Variants in NXPH1 observed in about 807,000 individuals in gnomAD.
NXPH1 encodes the protein neurexophilin 1.
In NXPH1, 5 loss-of-function variants were observed where a neutral mutation model predicts 23.7. The observed-to-expected ratio is 0.21, with a 90% CI of 0.11 to 0.44. The LOEUF (loss-of-function observed/expected upper bound fraction) is 0.44. NXPH1 is among the 20% of genes least tolerant of loss of function. The pLI is 0.99. For missense variants in NXPH1, 324 were observed against 321.6 expected, an observed-to-expected ratio of 1.01 and a Z score of -0.06; for synonymous variants, 144 against 122.2, an observed-to-expected ratio of 1.18 and a Z score of -1.18.
intron 2 of NXPH1, among the ~76,000 whole-genome samples, chr7:8,732,192 G>T (rs1004693514): frequency 1.3e-5 from 2 of 152,240 alleles, no homozygotes; most frequent in Admixed American, 6.5e-5. Context: ...GCCTCGCCAT[G>T]CTTCGGCTCG....
At chr7:8,438,896 G>T (rs1421207297) in intron 2 of NXPH1, among the ~76,000 whole-genome samples, 1 of 152,100 alleles carries the variant, frequency 6.6e-6, no homozygotes, top group Non-Finnish European at 1.5e-5. Context: ...ACTTTAATGG[G>T]AAACTAATTA....
intron 2 of NXPH1, among the ~76,000 whole-genome samples, chr7:8,740,949 A>G (rs1030883611): frequency 3.3e-5 from 5 of 152,268 alleles, no homozygotes; most frequent in Admixed American, 1.3e-4. Flanking sequence ...CAAGTATAGA[A>G]TACATTGTTA....
chr7:8,649,236 C>G (rs1231950291), intron 2 of NXPH1, among the ~76,000 whole-genome samples: 1 of 151,938 alleles, frequency 6.6e-6, no homozygotes, highest in Admixed American at 6.6e-5. Flanking sequence ...ATTGTGATTG[C>G]CAACATATTT....
chr7:8,711,411 A>T (rs1455646285), intron 2 of NXPH1, among the ~76,000 whole-genome samples: 1 of 152,184 alleles, frequency 6.6e-6, no homozygotes, highest in Admixed American at 6.5e-5. Flanking sequence ...CCTAACACTG[A>T]GGCAGGCATG....
chr7:8,624,390 A>G (rs974630538), intron 2 of NXPH1, among the ~76,000 whole-genome samples: 4 of 152,294 alleles, frequency 2.6e-5, no homozygotes, highest in African/African-American at 4.8e-5. Flanking sequence ...AGAGATGCCA[A>G]TTCCATAGTC....
intron 2 of NXPH1, 57 bp from the exon 3 acceptor site, chr7:8,750,951 T>C (rs558826746): frequency 9.9e-6 from 15 of 1,520,006 alleles, no homozygotes; most frequent in Middle Eastern, 1.7e-4. Flanking sequence ...GATCTATGCA[T>C]TGGGTGTTAT....
In NXPH1 at chr7:8,500,007, C is replaced by T. The variant is rs191446253; in HGVS notation, c.54+64240C>T. Among the ~76,000 whole-genome samples the T allele has an allele frequency of 6.6e-5, 10 of 152,154 alleles. No individual in the cohort carries two copies. In the East Asian group the frequency reaches 7.8e-4, roughly 12 times the overall value. ...TGTATGGATTCTGTGTACTATAAAG[C>T]GAATAACATTTTTATAACAGAATGT... On this transcript the variant is annotated intron_variant, in intron 2 of 2. Transcript: ENST00000405863.
intron 2 of NXPH1, among the ~76,000 whole-genome samples, chr7:8,534,428 A>T (rs929575723): frequency 6.6e-6 from 1 of 152,134 alleles, no homozygotes; most frequent in Non-Finnish European, 1.5e-5. Context: ...CTGTGTAAAA[A>T]CATCTTCCAC....
chr7:8,553,022 A>C (rs529506725), intron 2 of NXPH1, among the ~76,000 whole-genome samples: 90 of 151,738 alleles, frequency 5.9e-4, no homozygotes, highest in East Asian at 2.9e-3. Context: ...AGAAGGAAGA[A>C]AGAGAGCACA....
At chr7:8,715,610 T>C (rs1331917869) in intron 2 of NXPH1, among the ~76,000 whole-genome samples, 2 of 152,172 alleles carry the variant, frequency 1.3e-5, no homozygotes, top group South Asian at 2.1e-4. Context: ...GCCAAAGTTA[T>C]TGTTTCTTAA....
At chr7:8,696,031 T>A (rs1252871622) in intron 2 of NXPH1, among the ~76,000 whole-genome samples, 1 of 152,264 alleles carries the variant, frequency 6.6e-6, no homozygotes, top group Non-Finnish European at 1.5e-5. Context: ...TCAAGTTTTG[T>A]TTCATATTAA....
At position 8,481,505 on chromosome 7, in the gene NXPH1, G is replaced by A. The variant is rs149453854; in HGVS notation, c.54+45738G>A. ...AAACACAGAGGTCAGAAGTGAAATA[G>A]TGAGCCTGTTTTCATTGATCTTGGA... On this transcript the variant is annotated intron_variant, in intron 2 of 2. Transcript: ENST00000405863. Among the ~76,000 whole-genome samples the A allele has an allele frequency of 6.6e-5, 10 of 152,290 alleles. No individual in the cohort carries two copies. The South Asian group carries it at 1.7e-3, about 25-fold the overall frequency.
intron 2 of NXPH1, among the ~76,000 whole-genome samples, chr7:8,558,340 C>T (rs1040363767): frequency 1.3e-5 from 2 of 151,458 alleles, no homozygotes; most frequent in African/African-American, 4.8e-5. Context: ...TGTAATTCTT[C>T]CAGAGTGTTT....
chr7:8,626,522 T>C (rs1235560662), intron 2 of NXPH1, among the ~76,000 whole-genome samples: 2 of 152,044 alleles, frequency 1.3e-5, no homozygotes, highest in Non-Finnish European at 2.9e-5. Flanking sequence ...ACTTGAATTT[T>C]CATTTTTTTT....
intron 2 of NXPH1, among the ~76,000 whole-genome samples, chr7:8,439,601 C>T (rs1816257394): frequency 1.3e-5 from 2 of 152,186 alleles, no homozygotes; most frequent in Admixed American, 1.3e-4. Context: ...CTTTTTAAAT[C>T]AAAATAGGCA....
intron 2 of NXPH1, among the ~76,000 whole-genome samples, chr7:8,654,578 C>T (rs182883219): frequency 2.6e-5 from 4 of 152,322 alleles, no homozygotes; most frequent in Admixed American, 6.5e-5. Flanking sequence ...GAAGGATTTG[C>T]TGGAGTTCCT....
At chr7:8,614,050 T>A (rs1317574719) in intron 2 of NXPH1, among the ~76,000 whole-genome samples, 1 of 151,928 alleles carries the variant, frequency 6.6e-6, no homozygotes, top group Non-Finnish European at 1.5e-5. Flanking sequence ...TATTTCTGAT[T>A]TGTTTTACTT....
intron 2 of NXPH1, among the ~76,000 whole-genome samples, chr7:8,630,146 A>T (rs1820096517): frequency 6.6e-6 from 1 of 152,100 alleles, no homozygotes; most frequent in African/African-American, 2.4e-5. Context: ...ACATAATACT[A>T]TGATAATAGA....
chr7:8,632,931 C>T (rs991958188), intron 2 of NXPH1, among the ~76,000 whole-genome samples: 1 of 152,166 alleles, frequency 6.6e-6, no homozygotes, highest in African/African-American at 2.4e-5. Context: ...TTATTTACTG[C>T]TCTGTGCATT....
Sources: allele counts gnomAD v4.1 joint callset (sites outside exome capture counted in the v4.1 genomes callset), GRCh38; gene constraint gnomAD v4.1.1; transcripts MANE v1.5; gene names NCBI Gene and HGNC (gene_info 2026-07-23, HGNC 2026-07-21).